The following PTPRS variants were observed in gnomAD, a reference collection of about 807,000 sequenced individuals.
PTPRS encodes the protein receptor-type tyrosine-protein phosphatase S.
A neutral mutation model predicts 215.3 loss-of-function variants in PTPRS; 63 were observed. The observed-to-expected ratio is 0.29, with a 90% CI of 0.24 to 0.36. The LOEUF (loss-of-function observed/expected upper bound fraction) is 0.36, where lower values mean the gene tolerates loss of function less well. Among genes scored for constraint, PTPRS ranks in the 10% least tolerant of loss-of-function variants. The pLI is 1.00. For missense variants in PTPRS, 2,258 were observed against 2,825.8 expected, an observed-to-expected ratio of 0.80 and a Z score of 4.56; for synonymous variants, 1,404 against 1,191.4, an observed-to-expected ratio of 1.18 and a Z score of -3.68.
At chr19:5,211,229 T>G (rs1789144717) in intron 33 of PTPRS, among the ~76,000 whole-genome samples, 1 of 152,166 alleles carries the variant, frequency 6.6e-6, no homozygotes, top group South Asian at 2.1e-4. Context: ...GCTGGATTGT[T>G]CTCTGAGACA....
intron 1 of PTPRS, among the ~76,000 whole-genome samples, chr19:5,318,830 A>G (rs973174960): frequency 1.3e-5 from 2 of 150,692 alleles, no homozygotes; most frequent in Admixed American, 6.6e-5. Context: ...TGTTATTTTT[A>G]AAAAAGTTTT....
intron 1 of PTPRS, among the ~76,000 whole-genome samples, chr19:5,319,329 T>A (rs1400945127): frequency 6.6e-6 from 1 of 151,860 alleles, no homozygotes; most frequent in Non-Finnish European, 1.5e-5. Context: ...AAGGATCACT[T>A]GAGCCCAGGA....
chr19:5,337,788 T>TG (rs1243833645), intron 1 of PTPRS, among the ~76,000 whole-genome samples: 2 of 151,900 alleles, frequency 1.3e-5, no homozygotes, highest in African/African-American at 4.8e-5. Flanking sequence ...TGGTGGAAAT[T>TG]GGGGGAAAAT....
intron 1 of PTPRS, among the ~76,000 whole-genome samples, chr19:5,325,102 T>C (rs896484427): frequency 6.6e-6 from 1 of 152,204 alleles, no homozygotes; most frequent in Non-Finnish European, 1.5e-5. Context: ...CCCAGGCCCC[T>C]TCCACCTCTT....
chr19:5,271,023 T>C (rs377014787), intron 4 of PTPRS, among the ~76,000 whole-genome samples: 1 of 152,100 alleles, frequency 6.6e-6, no homozygotes, highest in African/African-American at 2.4e-5. Context: ...TGAAATCGAG[T>C]ACTACTAGGG....
At chr19:5,267,892 G>A (rs61005942) in intron 4 of PTPRS, among the ~76,000 whole-genome samples, 18,827 of 151,952 alleles carry the variant, frequency 0.12, 1,523 homozygotes, top group East Asian at 0.23. Flanking sequence ...TTTATCAGCC[G>A]GGCACAGTGG....
intron 1 of PTPRS, among the ~76,000 whole-genome samples, chr19:5,305,279 C>G (rs1002244171): frequency 2.0e-5 from 3 of 152,210 alleles, no homozygotes; most frequent in African/African-American, 7.2e-5. Context: ...AGCATGGTGG[C>G]TCATGCCTGT....
intron 11 of PTPRS, 22 bp from the exon 12 acceptor site, chr19:5,240,354 A>G: frequency 6.4e-7 from 1 of 1,570,186 alleles, no homozygotes; most frequent in Non-Finnish European, 8.6e-7. Context: ...CAGGGAGACA[A>G]CTAGGAGTCG....
chr19:5,229,515 C>T lies in PTPRS; in HGVS notation c.2325G>A (p.Lys775=), dbSNP rs1361991765. 4 of 1,466,108 alleles carry T rather than the reference C, an allele frequency of 2.7e-6. No individual in the cohort carries two copies. Among genetic ancestry groups the T allele is most frequent in the Non-Finnish European group, 3.6e-6 (4 of 1,111,108 alleles). 90.8% of individuals were successfully genotyped at this position (1,466,108 alleles called of 1,614,324 possible). A position where few individuals can be genotyped will look rare whatever the true frequency, so the allele number is the denominator to read the frequency against. Residue 775 remains lysine, a synonymous_variant, in exon 15 of 38, where the codon AAG becomes AAA. Coordinates refer to ENST00000262963, the MANE Select transcript of PTPRS (RefSeq NM_002850.4). ...CCTGGGCATCGGCCAGCATGACGTC[C>T]TTGATGCGCGGCGGCCCGCGGGCCT... is the stretch of plus-strand genomic sequence containing the variant. The part of the protein sequence containing the change: ...GAEARGPPRI[K]DVMLADAQWE...
Position 5,212,497 on chromosome 19 carries a change from G to A in PTPRS, c.4615-6C>T, listed in dbSNP as rs369249066. On this transcript the variant is annotated splice_region_variant and splice_polypyrimidine_tract_variant and intron_variant, in intron 30 of 37. Transcript: ENST00000262963. ...CGTTTCTCACTGGAGCCATTCTGGGGACCACAAGGATGTCACCTGTCACTC... is the reference window on the plus strand; with the variant it reads ...CGTTTCTCACTGGAGCCATTCTGGGAACCACAAGGATGTCACCTGTCACTC... 309 of 1,582,006 alleles carry A rather than the reference G, an allele frequency of 2.0e-4. No individual in the cohort carries two copies. The highest frequency in any genetic ancestry group is 2.6e-4 in the Non-Finnish European group (301 of 1,162,704).
Position 5,222,791 on chromosome 19 carries a change from T to TCA in PTPRS, c.2999_3000dup (p.Lys1001Ter). The TCA allele has an allele frequency of 6.3e-7, 1 of 1,598,676 alleles. No individual in the cohort carries two copies. Among genetic ancestry groups the TCA allele is most frequent in the Non-Finnish European group, 8.5e-7 (1 of 1,178,612 alleles). On this transcript the variant is annotated frameshift_variant, in exon 18 of 38. Coordinates refer to ENST00000262963, the MANE Select transcript of PTPRS (RefSeq NM_002850.4). LOFTEE classifies it high-confidence loss of function. The stretch of plus-strand genomic sequence containing the variant: ...TGGAGGTCATAGGCCGTGTCGGGCT[T>TCA]CAGGCCCTGCAGCGTGAGCGCGTTC...
At position 5,235,001 on chromosome 19, in the gene PTPRS, C is replaced by T. The variant is rs946101496; in HGVS notation, c.1850-3386G>A. Among the ~76,000 whole-genome samples the T allele has an allele frequency of 5.4e-5, 8 of 148,858 alleles. No individual in the cohort carries two copies. In the East Asian group the frequency reaches 7.9e-4, roughly 15 times the overall value. ...TGTCGCCCAGGCTGGAGTGCAGTGG[C>T]GCGATCTCGGCTCACTGCAAGCTCT... On this transcript the variant is annotated intron_variant, in intron 13 of 37. Transcript: ENST00000262963.
At chr19:5,315,208 C>T (rs774084456) in intron 1 of PTPRS, among the ~76,000 whole-genome samples, 9 of 152,034 alleles carry the variant, frequency 5.9e-5, no homozygotes, top group African/African-American at 1.2e-4. Flanking sequence ...CCATCACTCA[C>T]GCCCAGAGCC....
chr19:5,215,967 G>C (rs2041403276), intron 26 of PTPRS, among the ~76,000 whole-genome samples: 1 of 152,212 alleles, frequency 6.6e-6, no homozygotes. Flanking sequence ...CAAGAAGCAA[G>C]TGTGTGGCAC....
intron 16 of PTPRS, among the ~76,000 whole-genome samples, chr19:5,228,351 A>G (rs1183489398): frequency 4.3e-5 from 5 of 116,536 alleles, no homozygotes; most frequent in African/African-American, 1.6e-4. Flanking sequence ...TCTGGAGAAA[A>G]AAAAAAAAAA....
At chr19:5,268,614 G>A (rs539301031) in intron 4 of PTPRS, among the ~76,000 whole-genome samples, 42 of 152,212 alleles carry the variant, frequency 2.8e-4, no homozygotes, top group African/African-American at 6.3e-4. Context: ...ACGAGAGAGC[G>A]GCAGTTCCAG....
chr19:5,218,536 T>C lies in PTPRS; in HGVS notation c.3936-4A>G, dbSNP rs2041689692. The C allele has an allele frequency of 6.2e-7, 1 of 1,613,944 alleles. No homozygotes were observed. The highest frequency in any genetic ancestry group is 8.5e-7 in the Non-Finnish European group (1 of 1,179,796). On this transcript the variant is annotated splice_polypyrimidine_tract_variant and splice_region_variant and intron_variant, in intron 24 of 37. Coordinates refer to ENST00000262963, the MANE Select transcript of PTPRS (RefSeq NM_002850.4). ...GGGTTCTGAGTCCTTGCGTTTACTTTAGGAGAAGCAAGCGGAACAGTCCAG... is the reference window on the plus strand; with the variant it reads ...GGGTTCTGAGTCCTTGCGTTTACTTCAGGAGAAGCAAGCGGAACAGTCCAG...
At chr19:5,298,890 C>T (rs1249022137) in intron 1 of PTPRS, among the ~76,000 whole-genome samples, 1 of 152,212 alleles carries the variant, frequency 6.6e-6, no homozygotes, top group African/African-American at 2.4e-5. Flanking sequence ...CAGGCTAGAA[C>T]CTGGAAGCTG....
chr19:5,207,146 G>A (rs555140590), intron 37 of PTPRS, among the ~76,000 whole-genome samples: 8 of 152,272 alleles, frequency 5.3e-5, no homozygotes, highest in Non-Finnish European at 8.8e-5. Context: ...GTGCAGTGGC[G>A]CCATCTTGGC....
Sources: gnomAD v4.1 joint callset for allele counts (sites outside exome capture counted in the v4.1 genomes callset) on GRCh38, gnomAD v4.1.1 for gene constraint, MANE v1.5 for transcripts, NCBI Gene and HGNC (gene_info 2026-07-23, HGNC 2026-07-21) for gene names.